SLC9B1: variants seen among roughly 807,000 people sequenced by gnomAD.
SLC9B1 encodes solute carrier family 9 member B1.
In SLC9B1, 32 loss-of-function variants were observed where a neutral mutation model predicts 51.7. That is an observed-to-expected ratio of 0.62 (90% CI 0.47 to 0.83). The LOEUF is 0.83. Ranked by LOEUF, SLC9B1 falls within the 40% of genes least tolerant of loss-of-function variation. SLC9B1 has a pLI of 0.00. For synonymous variants in SLC9B1, 145 were observed against 212.7 expected, an observed-to-expected ratio of 0.68 and a Z score of 2.77; for missense variants, 406 against 613.2, an observed-to-expected ratio of 0.66 and a Z score of 3.57.
At chr4:102,948,308 C>A (rs1435538283) in intron 4 of SLC9B1, among the ~76,000 whole-genome samples, 1 of 142,932 alleles carries the variant, frequency 7.0e-6, no homozygotes, top group African/African-American at 2.6e-5. Flanking sequence ...CAGTTATACC[C>A]GAATCAGGCA....
chr4:103,006,785 A>G lies in SLC9B1; in HGVS notation c.-2+12814T>C, dbSNP rs371712381. Among the ~76,000 whole-genome samples, 12 of 152,340 alleles carry G rather than the reference A, an allele frequency of 7.9e-5. No individual in the cohort carries two copies. In the East Asian group the frequency reaches 2.3e-3, roughly 29 times the overall value. ...CAGCAGCACATGAAAAAGCTAATCC[A>G]TCACGATCAAGTAGACTTTATCCCT... On this transcript the variant is annotated intron_variant, in intron 1 of 11. Transcript: ENST00000296422.
At chr4:102,969,291 A>T (rs1375906677) in intron 3 of SLC9B1, among the ~76,000 whole-genome samples, 2 of 152,186 alleles carry the variant, frequency 1.3e-5, no homozygotes, top group Admixed American at 6.5e-5. Context: ...TTCCAGAGGA[A>T]GGATCAGGCA....
intron 7 of SLC9B1, among the ~76,000 whole-genome samples, chr4:102,917,165 G>A (rs559163698): frequency 4.3e-4 from 65 of 152,240 alleles, no homozygotes; most frequent in East Asian, 3.9e-4. Context: ...TTGGACCCTG[G>A]AACTTGCATC....
intron 1 of SLC9B1, among the ~76,000 whole-genome samples, chr4:103,005,281 G>GA (rs1740725312): frequency 1.5e-5 from 2 of 137,586 alleles, no homozygotes; most frequent in African/African-American, 5.4e-5. Context: ...AAAAAAACCA[G>GA]AAAAAAGCAG....
chr4:102,989,352 A>C (rs1739826086), intron 3 of SLC9B1, among the ~76,000 whole-genome samples: 1 of 151,988 alleles, frequency 6.6e-6, no homozygotes, highest in African/African-American at 2.4e-5. Context: ...TGCTGACAAC[A>C]ACACTATGCT....
intron 6 of SLC9B1, among the ~76,000 whole-genome samples, chr4:102,933,685 T>C (rs1578359387): frequency 1.3e-5 from 2 of 152,116 alleles, no homozygotes; most frequent in Admixed American, 1.3e-4. Context: ...TGGGGTTTTC[T>C]CCACAGGGCT....
chr4:102,977,782 A>G (rs1739151029), intron 3 of SLC9B1, among the ~76,000 whole-genome samples: 1 of 152,202 alleles, frequency 6.6e-6, no homozygotes, highest in Admixed American at 6.5e-5. Context: ...ATAGTCTATG[A>G]GAAGTTACAA....
chr4:102,911,560 A>G (rs1448885142), intron 7 of SLC9B1, 23 bp from the exon 8 acceptor site: 1 of 1,479,138 alleles, frequency 6.8e-7, no homozygotes, highest in Non-Finnish European at 9.2e-7. Flanking sequence ...ACAATAAAAA[A>G]AAATTCACAA....
rs566298142 is a variant in SLC9B1 at position 102,971,461 on chromosome 4, T to C, written c.211+18339A>G. Among the ~76,000 whole-genome samples, 8 of 151,878 alleles carry C rather than the reference T, an allele frequency of 5.3e-5. No individual in the cohort carries two copies. The South Asian group carries it at 1.5e-3, about 28-fold the overall frequency. On this transcript the variant is annotated intron_variant, in intron 3 of 11. Coordinates refer to ENST00000296422, the MANE Select transcript of SLC9B1 (RefSeq NM_139173.4). ...CCAACGAGAACAAAGACACAACATA[T>C]CAGAATCTCTGGGACATATTTAAAG... is the stretch of plus-strand genomic sequence containing the variant.
chr4:102,903,252 A>G (rs542291142), intron 11 of SLC9B1, among the ~76,000 whole-genome samples: 1 of 152,232 alleles, frequency 6.6e-6, no homozygotes. Flanking sequence ...TATTGTTGGA[A>G]GGAGAGAGAA....
At chr4:102,995,067 G>C (rs1055481101) in intron 1 of SLC9B1, among the ~76,000 whole-genome samples, 8 of 152,310 alleles carry the variant, frequency 5.3e-5, no homozygotes, top group African/African-American at 1.9e-4. Flanking sequence ...TGAATAGACA[G>C]ACTGGGAGTT....
At chr4:103,005,525 C>T (rs1276105108) in intron 1 of SLC9B1, among the ~76,000 whole-genome samples, 1 of 152,044 alleles carries the variant, frequency 6.6e-6, no homozygotes, top group Non-Finnish European at 1.5e-5. Context: ...TTAAACATCC[C>T]ATTGACAGTA....
At chr4:102,974,571 G>A (rs1738957435) in intron 3 of SLC9B1, among the ~76,000 whole-genome samples, 1 of 152,090 alleles carries the variant, frequency 6.6e-6, no homozygotes, top group South Asian at 2.1e-4. Context: ...GAACAACTTC[G>A]TTGGCTACTA....
intron 3 of SLC9B1, among the ~76,000 whole-genome samples, chr4:102,955,912 A>T (rs537023403): frequency 1.7e-3 from 252 of 151,942 alleles, no homozygotes; most frequent in Admixed American, 2.8e-3. Flanking sequence ...AGAGAGAAAG[A>T]CCCACATGCA....
At chr4:102,994,799 A>G (rs1364111884) in intron 1 of SLC9B1, among the ~76,000 whole-genome samples, 1 of 152,172 alleles carries the variant, frequency 6.6e-6, no homozygotes, top group Non-Finnish European at 1.5e-5. Flanking sequence ...CAATTATAAA[A>G]TCATCAGATC....
chr4:102,985,548 T>G (rs960248855), intron 3 of SLC9B1, among the ~76,000 whole-genome samples: 44 of 152,098 alleles, frequency 2.9e-4, no homozygotes, highest in Non-Finnish European at 5.6e-4. Context: ...TCTTTTTTTT[T>G]TTCTTCCTTC....
At chr4:103,002,594 A>T (rs1740583964) in intron 1 of SLC9B1, among the ~76,000 whole-genome samples, 1 of 152,250 alleles carries the variant, frequency 6.6e-6, no homozygotes, top group Admixed American at 6.5e-5. Context: ...GAGTCTTAAG[A>T]AAAACTTAAA....
intron 7 of SLC9B1, among the ~76,000 whole-genome samples, chr4:102,925,554 CA>C (rs1167999962): frequency 6.6e-6 from 1 of 150,908 alleles, no homozygotes. Context: ...AGTATAATAA[CA>C]AAAAAAACTA....
chr4:102,979,147 A>G (rs1333283666), intron 3 of SLC9B1, among the ~76,000 whole-genome samples: 1 of 152,194 alleles, frequency 6.6e-6, no homozygotes, highest in Non-Finnish European at 1.5e-5. Context: ...ACCCTTCTCA[A>G]GTTCATTGAT....
Sources: allele counts gnomAD v4.1 joint callset (sites outside exome capture counted in the v4.1 genomes callset), GRCh38; gene constraint gnomAD v4.1.1; transcripts MANE v1.5; gene names NCBI Gene and HGNC (gene_info 2026-07-23, HGNC 2026-07-21).